The following ACYP2 variants were observed in gnomAD, a reference collection of about 807,000 sequenced individuals.
The protein encoded by ACYP2 is acylphosphatase 2.
Under a neutral mutation model 11.2 loss-of-function variants are expected in ACYP2, and 12 were observed. The observed-to-expected ratio is 1.08, with a 90% CI of 0.69 to 1.74. The LOEUF (loss-of-function observed/expected upper bound fraction) is 1.74, where lower values mean the gene tolerates loss of function less well. Ranked by LOEUF, ACYP2 falls within the 40% of genes most tolerant of loss-of-function variation. ACYP2 has a pLI of 0.00. For synonymous variants in ACYP2, 43 were observed against 32.2 expected, an observed-to-expected ratio of 1.33 and a Z score of -1.13; for missense variants, 134 against 101.9, an observed-to-expected ratio of 1.31 and a Z score of -1.35.
chr2:54,032,919 G>C (rs1674665969), intron 2 of ACYP2, among the ~76,000 whole-genome samples: 1 of 152,176 alleles, frequency 6.6e-6, no homozygotes. Flanking sequence ...TTCTAAGGAG[G>C]GACCTGAATG....
intron 4 of ACYP2, among the ~76,000 whole-genome samples, chr2:54,127,871 C>G (rs981369200): frequency 2.6e-5 from 4 of 151,962 alleles, no homozygotes; most frequent in African/African-American, 9.7e-5. Context: ...GGCCAATCGA[C>G]TCATCTAAGT....
At chr2:54,101,567 A>G (rs1678893028) in intron 4 of ACYP2, among the ~76,000 whole-genome samples, 1 of 151,520 alleles carries the variant, frequency 6.6e-6, no homozygotes, top group African/African-American at 2.4e-5. Flanking sequence ...CCAGCTACTC[A>G]GGAGGCTGAG....
In ACYP2 at chr2:54,276,662, C is replaced by CACCA. The variant is rs5831294; in HGVS notation, c.405-28026_405-28025insACCA. Reference sequence around the variant, plus strand: ...ACACACACACACACACACACACACACCACACACAAGAAAAATTGTTTTTTT... The same window carrying CACCA: ...ACACACACACACACACACACACACACACCACACACACAAGAAAAATTGTTTTTTT... On this transcript the variant is annotated intron_variant, in intron 6 of 6. Coordinates refer to ENST00000607452, the MANE Select transcript of ACYP2 (RefSeq NM_001320586.2). 3.1e-3 allele frequency among the ~76,000 whole-genome samples: 414 copies of CACCA among 132,180 alleles called. 2 individuals carry two copies. Among genetic ancestry groups the CACCA allele is most frequent in the African/African-American group, 0.012 (392 of 31,374 alleles). The allele number at this position is 132,180 out of a possible 152,430, so 86.7% of individuals were successfully genotyped here. A position where few individuals can be genotyped will look rare whatever the true frequency, so the allele number is the denominator to read the frequency against.
intron 6 of ACYP2, 116 bp from the exon 4 acceptor site, chr2:54,304,572 T>C (rs1689845618): frequency 1.6e-6 from 1 of 615,570 alleles, no homozygotes; most frequent in South Asian, 2.3e-5. Flanking sequence ...ATATCACATA[T>C]ATGCAAAAAT....
intron 6 of ACYP2, among the ~76,000 whole-genome samples, chr2:54,193,300 A>C (rs1162859952): frequency 6.6e-6 from 1 of 152,232 alleles, no homozygotes; most frequent in Non-Finnish European, 1.5e-5. Flanking sequence ...TTACCACATT[A>C]ATATCTTTAT....
intron 6 of ACYP2, among the ~76,000 whole-genome samples, chr2:54,250,580 G>A (rs2104006784): frequency 6.6e-6 from 1 of 152,286 alleles, no homozygotes; most frequent in East Asian, 1.9e-4. Flanking sequence ...CTATATGGAT[G>A]CCACTTAAAA....
At chr2:54,121,049 G>A (rs956101502) in intron 4 of ACYP2, among the ~76,000 whole-genome samples, 2 of 152,140 alleles carry the variant, frequency 1.3e-5, no homozygotes, top group African/African-American at 4.8e-5. Flanking sequence ...ATAGCTCGGC[G>A]AGCATGAGCA....
chr2:54,062,353 T>C (rs935032423), intron 4 of ACYP2, among the ~76,000 whole-genome samples: 1 of 152,228 alleles, frequency 6.6e-6, no homozygotes, highest in African/African-American at 2.4e-5. Context: ...ATCTGGTAGA[T>C]TATTTTGTAA....
chr2:54,040,024 G>T (rs952138573), intron 2 of ACYP2, among the ~76,000 whole-genome samples: 1 of 152,070 alleles, frequency 6.6e-6, no homozygotes, highest in Non-Finnish European at 1.5e-5. Flanking sequence ...CCTGGCCCAG[G>T]CTTCTGTGTT....
intron 6 of ACYP2, among the ~76,000 whole-genome samples, chr2:54,164,845 T>A (rs1055638923): frequency 6.6e-6 from 1 of 152,220 alleles, no homozygotes; most frequent in Non-Finnish European, 1.5e-5. Context: ...TTTGTCCTAA[T>A]GCTCTCCCTC....
intron 4 of ACYP2, among the ~76,000 whole-genome samples, chr2:54,059,808 T>C (rs1676370266): frequency 6.6e-6 from 1 of 152,216 alleles, no homozygotes. Flanking sequence ...ACCTGCACAG[T>C]TGTTTGTTAC....
In ACYP2 at chr2:54,135,448, T is replaced by C. The variant is rs1213317844; in HGVS notation, c.278-5T>C. 1 of 1,608,376 alleles carries C rather than the reference T, an allele frequency of 6.2e-7. No homozygotes were observed. The highest frequency in any genetic ancestry group is 1.3e-5 in the African/African-American group (1 of 74,670). ...GACAATTCTTTTTATCTTTCTTTTA[T>C]ACAGGTGTTTGCTTCAGAATGGTAA... is the stretch of plus-strand genomic sequence containing the variant. On this transcript the variant is annotated splice_region_variant and splice_polypyrimidine_tract_variant and intron_variant, in intron 4 of 6. Coordinates refer to ENST00000607452, the MANE Select transcript of ACYP2 (RefSeq NM_001320586.2).
intron 6 of ACYP2, among the ~76,000 whole-genome samples, chr2:54,275,234 A>G (rs1688497451): frequency 6.6e-6 from 1 of 152,220 alleles, no homozygotes; most frequent in Admixed American, 6.5e-5. Context: ...CTTAAATTGT[A>G]TGAATTCAAC....
intron 6 of ACYP2, among the ~76,000 whole-genome samples, chr2:54,224,875 C>T (rs1425828988): frequency 1.3e-5 from 2 of 152,100 alleles, no homozygotes; most frequent in African/African-American, 2.4e-5. Flanking sequence ...TACTTTGTAA[C>T]GTACAGTACC....
chr2:54,190,562 G>T (rs549653699), intron 6 of ACYP2, among the ~76,000 whole-genome samples: 1 of 151,916 alleles, frequency 6.6e-6, no homozygotes, highest in African/African-American at 2.4e-5. Context: ...CTCCTTGGCT[G>T]CCAGGATACT....
At chr2:54,263,747 A>G (rs1261217436) in intron 6 of ACYP2, among the ~76,000 whole-genome samples, 1 of 152,230 alleles carries the variant, frequency 6.6e-6, no homozygotes, top group East Asian at 1.9e-4. Context: ...TCAAGATGAT[A>G]ATTCAGCACC....
chr2:54,275,366 G>A (rs996218920), intron 6 of ACYP2, among the ~76,000 whole-genome samples: 1 of 152,140 alleles, frequency 6.6e-6, no homozygotes, highest in South Asian at 2.1e-4. Context: ...CCAACCACAG[G>A]AAACTGAGGA....
At chr2:54,067,684 C>G (rs1676815496) in intron 4 of ACYP2, among the ~76,000 whole-genome samples, 1 of 152,160 alleles carries the variant, frequency 6.6e-6, no homozygotes, top group Non-Finnish European at 1.5e-5. Flanking sequence ...AACATCTCAA[C>G]TTTGAATTTA....
chr2:54,142,017 TTTGTTGTTG>T (rs10611682), intron 6 of ACYP2: 31,396 of 399,264 alleles, frequency 0.079, 2,024 homozygotes, highest in East Asian at 0.3. Context: ...GTGTGTATAT[TTTGTTGTTG>T]TTGTTGTTGT....
Sources: allele counts gnomAD v4.1 joint callset (sites outside exome capture counted in the v4.1 genomes callset), GRCh38; gene constraint gnomAD v4.1.1; transcripts MANE v1.5; gene names NCBI Gene and HGNC (gene_info 2026-07-23, HGNC 2026-07-21).